GPAT3: variants seen among roughly 807,000 people sequenced by gnomAD.
The protein encoded by GPAT3 is glycerol-3-phosphate acyltransferase 3.
A neutral mutation model predicts 58.8 loss-of-function variants in GPAT3; 53 were observed. The ratio of observed to expected loss-of-function variants is 0.90; its 90% CI spans 0.72 to 1.13. The LOEUF (loss-of-function observed/expected upper bound fraction) is 1.13. Among genes scored for constraint, GPAT3 ranks in the 50% most tolerant of loss-of-function variants. The pLI is 0.00. For synonymous variants in GPAT3, 197 were observed against 187.4 expected (o/e 1.05, Z -0.42); for missense variants, 511 against 527.6 (o/e 0.97, Z 0.31).
chr4:83,553,076 G>A (rs1724814366), intron 2 of GPAT3, among the ~76,000 whole-genome samples: 1 of 152,208 alleles, frequency 6.6e-6, no homozygotes, highest in Non-Finnish European at 1.5e-5. Context: ...CCAGGCTATG[G>A]CACTCTGTTA....
At chr4:83,576,006 C>T (rs1314015798) in intron 2 of GPAT3, among the ~76,000 whole-genome samples, 3 of 152,244 alleles carry the variant, frequency 2.0e-5, no homozygotes, top group African/African-American at 7.2e-5. Flanking sequence ...TGCGTATTTT[C>T]ATACTTCCCT....
chr4:83,552,663 C>T (rs571157524), intron 2 of GPAT3, among the ~76,000 whole-genome samples: 5 of 152,204 alleles, frequency 3.3e-5, no homozygotes, highest in South Asian at 2.1e-4. Flanking sequence ...CATAATCTAA[C>T]GAGAATATAC....
upstream of GPAT3, chr4:83,535,750 T>C: frequency 1.0e-6 from 1 of 985,276 alleles, no homozygotes; most frequent in Non-Finnish European, 1.2e-6. Flanking sequence ...GAAGGAGGTG[T>C]GGAAGCCAGA....
chr4:83,547,987 C>T (rs558282397), intron 2 of GPAT3, among the ~76,000 whole-genome samples: 2 of 151,822 alleles, frequency 1.3e-5, no homozygotes, highest in Non-Finnish European at 2.9e-5. Flanking sequence ...ATATCTTACT[C>T]TTCTAAGCTT....
At chr4:83,552,274 C>T (rs1322223762) in intron 2 of GPAT3, among the ~76,000 whole-genome samples, 3 of 152,176 alleles carry the variant, frequency 2.0e-5, no homozygotes, top group Non-Finnish European at 4.4e-5. Flanking sequence ...CAGTAGATGA[C>T]AGACAGTAGC....
intron 2 of GPAT3, among the ~76,000 whole-genome samples, chr4:83,576,139 A>G (rs1725804923): frequency 6.6e-6 from 1 of 152,190 alleles, no homozygotes; most frequent in Non-Finnish European, 1.5e-5. Flanking sequence ...GATGTTTCAG[A>G]ATTATCTAAA....
intron 2 of GPAT3, among the ~76,000 whole-genome samples, chr4:83,550,439 A>G (rs1020075539): frequency 6.6e-6 from 1 of 152,180 alleles, no homozygotes; most frequent in Non-Finnish European, 1.5e-5. Flanking sequence ...GACAATTTTC[A>G]GACATACACA....
At chr4:83,560,100 C>A (rs148524856) in intron 2 of GPAT3, among the ~76,000 whole-genome samples, 4 of 152,166 alleles carry the variant, frequency 2.6e-5, no homozygotes, top group Non-Finnish European at 5.9e-5. Context: ...AGACCAGGTG[C>A]CTGGTTTTCC....
chr4:83,551,999 G>C (rs577879806), intron 2 of GPAT3, among the ~76,000 whole-genome samples: 1 of 152,140 alleles, frequency 6.6e-6, no homozygotes, highest in African/African-American at 2.4e-5. Context: ...GTTAGAACTA[G>C]TTATATATGA....
At chr4:83,587,202 T>C in intron 3 of GPAT3, 53 bp from the exon 4 acceptor site, 1 of 1,465,128 alleles carries the variant, frequency 6.8e-7, no homozygotes, top group Non-Finnish European at 9.4e-7. Context: ...ACTTTTTGGT[T>C]ACTTCCATGC....
rs114581371 is a variant in GPAT3 at position 83,582,447 on chromosome 4, G to A, written c.479+615G>A. The stretch of plus-strand genomic sequence containing the variant: ...GTCAAGCCTAGTTTATGGAAAGCAC[G>A]ATGTGGAACATGAGTAGAAGGCACT... On this transcript the variant is annotated intron_variant, in intron 3 of 11. Transcript: ENST00000264409. Among the ~76,000 whole-genome samples the A allele has an allele frequency of 5.3e-3, 811 of 152,304 alleles. 7 individuals are homozygous for A. The highest frequency in any genetic ancestry group is 0.018 in the African/African-American group (740 of 41,560).
chr4:83,571,123 C>T (rs1484544365), intron 2 of GPAT3, among the ~76,000 whole-genome samples: 1 of 152,054 alleles, frequency 6.6e-6, no homozygotes, highest in African/African-American at 2.4e-5. Flanking sequence ...TGAGATTTCT[C>T]CATGTTGCAT....
rs1727205779 is a variant in GPAT3, at chr4:83,605,084, T to G, written c.*317T>G. 5.2e-6 allele frequency: 1 copy of G among 192,366 alleles called. No homozygotes were observed. Among genetic ancestry groups the G allele is most frequent in the Non-Finnish European group, 1.1e-5 (1 of 93,928 alleles). The allele number at this position is 192,366 out of a possible 1,614,324, so 11.9% of individuals were successfully genotyped here. A position where few individuals can be genotyped will look rare whatever the true frequency, so the allele number is the denominator to read the frequency against. On this transcript the variant is annotated 3_prime_UTR_variant, in exon 12 of 12. Coordinates refer to ENST00000264409, the MANE Select transcript of GPAT3 (RefSeq NM_032717.5). ...AGTGCTTGAAAAGTGTGTTTGGAAC[T>G]CATCGATAGGGTAATTCTCCAAAAA...
At chr4:83,590,419 A>G (rs1578195334) in intron 6 of GPAT3, 127 bp downstream of exon 6, 1 of 764,386 alleles carries the variant, frequency 1.3e-6, no homozygotes, top group Non-Finnish European at 2.1e-6. Context: ...TATTGTAGCT[A>G]TATAAGTTAT....
At chr4:83,579,134 T>TCTCC (rs1388653723) in intron 2 of GPAT3, among the ~76,000 whole-genome samples, 1 of 108,454 alleles carries the variant, frequency 9.2e-6, no homozygotes, top group African/African-American at 3.4e-5. Context: ...TTCCTTTCTT[T>TCTCC]CTCCCTCCCT....
At chr4:83,552,007 T>C (rs1006536828) in intron 2 of GPAT3, among the ~76,000 whole-genome samples, 3 of 152,116 alleles carry the variant, frequency 2.0e-5, no homozygotes, top group Admixed American at 2.0e-4. Flanking sequence ...TAGTTATATA[T>C]GAATGGAAGA....
intron 2 of GPAT3, among the ~76,000 whole-genome samples, chr4:83,553,616 AG>A (rs202023289): frequency 0.014 from 2,134 of 152,226 alleles, 53 homozygotes; most frequent in African/African-American, 0.049. Context: ...AGATTATTTG[AG>A]GCCGGGCACG....
intron 2 of GPAT3, among the ~76,000 whole-genome samples, chr4:83,560,333 G>A (rs1323653161): frequency 6.6e-6 from 1 of 152,208 alleles, no homozygotes; most frequent in East Asian, 1.9e-4. Flanking sequence ...GTTTCTCCCT[G>A]GGGTGGGTGG....
chr4:83,553,695 T>C (rs1724837478), intron 2 of GPAT3, among the ~76,000 whole-genome samples: 1 of 151,966 alleles, frequency 6.6e-6, no homozygotes, highest in African/African-American at 2.4e-5. Flanking sequence ...GCCCAGGGGT[T>C]CAAGACCAGC....
Sources: allele counts gnomAD v4.1 joint callset (sites outside exome capture counted in the v4.1 genomes callset), GRCh38; gene constraint gnomAD v4.1.1; transcripts MANE v1.5; gene names NCBI Gene and HGNC (gene_info 2026-07-23, HGNC 2026-07-21).